The following FHOD3 variants were observed in gnomAD, a reference collection of about 807,000 sequenced individuals.
FHOD3 encodes the protein formin homology 2 domain containing 3.
In FHOD3, 90 loss-of-function variants were observed where a neutral mutation model predicts 173.0. The observed-to-expected ratio is 0.52, with a 90% confidence interval of 0.44 to 0.62. The LOEUF is 0.62. Ranked by LOEUF, FHOD3 falls within the 20% of genes least tolerant of loss-of-function variation. FHOD3 has a pLI of 0.00. For synonymous variants in FHOD3, 828 were observed against 823.0 expected, an observed-to-expected ratio of 1.01 and a Z score of -0.10; for missense variants, 1,945 against 2,034.7, an observed-to-expected ratio of 0.96 and a Z score of 0.85.
chr18:36,595,728 C>T (rs998651248), intron 7 of FHOD3, among the ~76,000 whole-genome samples: 7 of 152,186 alleles, frequency 4.6e-5, no homozygotes, highest in Admixed American at 1.3e-4. Context: ...TACTGTGTAA[C>T]GTGCTGTGGA....
rs555300150 is a variant in FHOD3, at chr18:36,658,803, G to C, written c.1835+615G>C. ...GTTACCCTCACATGGCAAGAGTGCT[G>C]AGTTAGAGAAGACTGGTTAGGATTC... On this transcript the variant is annotated intron_variant, in intron 14 of 28. Coordinates refer to ENST00000590592, the MANE Select transcript of FHOD3 (RefSeq NM_001281740.3). Among the ~76,000 whole-genome samples the C allele has an allele frequency of 6.6e-5, 10 of 152,360 alleles. No individual in the cohort carries two copies. In the South Asian group the frequency reaches 2.1e-3, roughly 32 times the overall value.
intron 10 of FHOD3, among the ~76,000 whole-genome samples, chr18:36,628,473 T>C (rs1356697199): frequency 2.0e-5 from 3 of 152,234 alleles, no homozygotes; most frequent in Admixed American, 6.5e-5. Flanking sequence ...AGAGAAATGC[T>C]TAGTCTCCCT....
intron 6 of FHOD3, among the ~76,000 whole-genome samples, chr18:36,592,452 A>G (rs961395790): frequency 6.6e-6 from 1 of 152,204 alleles, no homozygotes; most frequent in African/African-American, 2.4e-5. Context: ...AGAGCTTAGC[A>G]TGTGAAGTGC....
intron 5 of FHOD3, among the ~76,000 whole-genome samples, chr18:36,570,080 G>GA (rs1299055419): frequency 1.3e-5 from 2 of 151,344 alleles, no homozygotes; most frequent in Non-Finnish European, 1.5e-5. Flanking sequence ...TGAAAGCGGA[G>GA]AAAAAAATAG....
intron 6 of FHOD3, among the ~76,000 whole-genome samples, chr18:36,591,624 G>A (rs1336220544): frequency 3.9e-5 from 6 of 152,190 alleles, no homozygotes; most frequent in Non-Finnish European, 8.8e-5. Flanking sequence ...GATAAAGGAC[G>A]TGGATAGAAA....
chr18:36,605,983 A>G (rs562565164), intron 8 of FHOD3, among the ~76,000 whole-genome samples: 6 of 152,136 alleles, frequency 3.9e-5, no homozygotes, highest in Non-Finnish European at 7.4e-5. Context: ...ATTGCCTTGT[A>G]AAATAGGAGA....
chr18:36,712,647 G>A (rs72899541), intron 18 of FHOD3, among the ~76,000 whole-genome samples: 19,183 of 152,066 alleles, frequency 0.13, 1,544 homozygotes, highest in Non-Finnish European at 0.18. Flanking sequence ...TCGATCTAAC[G>A]CCAATTCATC....
At chr18:36,420,048 T>C (rs1186448081) in intron 3 of FHOD3, among the ~76,000 whole-genome samples, 2 of 152,244 alleles carry the variant, frequency 1.3e-5, no homozygotes, top group African/African-American at 4.8e-5. Context: ...TTAACTTTTC[T>C]GTCTCCTCTT....
intron 10 of FHOD3, among the ~76,000 whole-genome samples, chr18:36,646,383 A>G (rs2035684748): frequency 6.6e-6 from 1 of 152,228 alleles, no homozygotes. Flanking sequence ...CAGTAAGATT[A>G]GGTCTAAATA....
At chr18:36,482,591 A>G (rs562179215) in intron 3 of FHOD3, among the ~76,000 whole-genome samples, 2 of 152,232 alleles carry the variant, frequency 1.3e-5, no homozygotes, top group East Asian at 3.9e-4. Flanking sequence ...ACAGGGTTCT[A>G]CCCTGAGCAA....
intron 3 of FHOD3, among the ~76,000 whole-genome samples, chr18:36,387,685 T>C (rs1012907954): frequency 6.6e-6 from 1 of 152,206 alleles, no homozygotes; most frequent in Non-Finnish European, 1.5e-5. Flanking sequence ...TCTAGACCTG[T>C]TGTTGAAATG....
intron 5 of FHOD3, among the ~76,000 whole-genome samples, chr18:36,552,917 C>A (rs201220448): frequency 6.6e-6 from 1 of 152,240 alleles, no homozygotes; most frequent in East Asian, 1.9e-4. Context: ...GGGAATGCTT[C>A]CAGTTTTTGC....
At chr18:36,466,606 A>C (rs2144948389) in intron 3 of FHOD3, among the ~76,000 whole-genome samples, 1 of 152,336 alleles carries the variant, frequency 6.6e-6, no homozygotes, top group African/African-American at 2.4e-5. Context: ...AATTGGTTAA[A>C]GAAGGGAAAC....
intron 5 of FHOD3, among the ~76,000 whole-genome samples, chr18:36,543,778 T>A (rs902085645): frequency 6.6e-6 from 1 of 152,198 alleles, no homozygotes; most frequent in Non-Finnish European, 1.5e-5. Context: ...CAAATCAGCA[T>A]TTGGTACTAC....
intron 14 of FHOD3, among the ~76,000 whole-genome samples, chr18:36,669,471 C>T (rs899902723): frequency 6.6e-6 from 1 of 151,406 alleles, no homozygotes; most frequent in Non-Finnish European, 1.5e-5. Context: ...TTTGTTCCAC[C>T]TTTTTATTCT....
intron 1 of FHOD3, among the ~76,000 whole-genome samples, chr18:36,338,910 A>C (rs1015030293): frequency 6.6e-6 from 1 of 152,034 alleles, no homozygotes; most frequent in Non-Finnish European, 1.5e-5. Context: ...AAATGTGACA[A>C]AGTAGGAAGG....
chr18:36,458,194 T>C (rs1357360664), intron 3 of FHOD3, among the ~76,000 whole-genome samples: 1 of 152,032 alleles, frequency 6.6e-6, no homozygotes, highest in Non-Finnish European at 1.5e-5. Flanking sequence ...CAGAGGAAAC[T>C]TACAAACTCA....
intron 1 of FHOD3, among the ~76,000 whole-genome samples, chr18:36,340,787 C>T (rs2045573225): frequency 6.6e-6 from 1 of 152,094 alleles, no homozygotes; most frequent in Non-Finnish European, 1.5e-5. Flanking sequence ...CAGGCCCCCA[C>T]CACCACGCCC....
chr18:36,438,553 C>G (rs2050942831), intron 3 of FHOD3, among the ~76,000 whole-genome samples: 1 of 152,176 alleles, frequency 6.6e-6, no homozygotes, highest in Non-Finnish European at 1.5e-5. Flanking sequence ...TCAAATCTAG[C>G]AGCCCCTCAA....
Sources: gnomAD v4.1 joint callset for allele counts (sites outside exome capture counted in the v4.1 genomes callset) on GRCh38, gnomAD v4.1.1 for gene constraint, MANE v1.5 for transcripts, NCBI Gene and HGNC (gene_info 2026-07-23, HGNC 2026-07-21) for gene names.